The following ASIC2 variants were observed in gnomAD, a reference collection of about 807,000 sequenced individuals.
The protein encoded by ASIC2 is acid-sensing ion channel 2.
A neutral mutation model predicts 57.3 loss-of-function variants in ASIC2; 25 were observed. That is an observed-to-expected ratio of 0.44 (90% CI 0.32 to 0.61). ASIC2 has a LOEUF of 0.61. ASIC2 is among the 20% of genes least tolerant of loss of function. The probability of loss-of-function intolerance (pLI) is 0.06; values close to 1 mark genes in which losing one functional copy is unlikely to be tolerated. For synonymous variants in ASIC2, 319 were observed against 307.5 expected (o/e 1.04, Z -0.39); for missense variants, 641 against 738.1 (o/e 0.87, Z 1.52).
At chr17:33,951,319 T>C (rs1904555057) in intron 1 of ASIC2, among the ~76,000 whole-genome samples, 1 of 152,158 alleles carries the variant, frequency 6.6e-6, no homozygotes. Flanking sequence ...TGAGGATAAA[T>C]ATCTTGCTTA....
chr17:33,712,205 G>A, intron 1 of ASIC2, among the ~76,000 whole-genome samples: 1 of 152,272 alleles, frequency 6.6e-6, no homozygotes, highest in East Asian at 1.9e-4. Context: ...TACAGTCTCA[G>A]TTTGGAGCAG....
intron 1 of ASIC2, among the ~76,000 whole-genome samples, chr17:33,523,416 C>G (rs1914799680): frequency 1.3e-5 from 2 of 152,122 alleles, no homozygotes; most frequent in African/African-American, 2.4e-5. Context: ...ACCACCACAT[C>G]CAGCTAATTG....
intron 1 of ASIC2, among the ~76,000 whole-genome samples, chr17:34,027,929 G>A (rs1317554991): frequency 6.6e-6 from 1 of 152,210 alleles, no homozygotes; most frequent in East Asian, 1.9e-4. Context: ...CTTTACCTAT[G>A]AAGTGGGAAT....
intron 1 of ASIC2, among the ~76,000 whole-genome samples, chr17:33,641,353 C>T (rs116259904): frequency 0.022 from 3,312 of 152,276 alleles, 102 homozygotes; most frequent in African/African-American, 0.074. Flanking sequence ...ACACAGCACA[C>T]GCTCAGCATA....
rs975780044 is a variant in ASIC2, at chr17:33,246,992, G to C, written c.708+44416C>G. ...AAAATTGGATTTGAAAAAAGATGTA[G>C]TTAGCTCCAAAATACAAAAAGAAAA... On this transcript the variant is annotated intron_variant, in intron 1 of 9. Transcript: ENST00000225823. Among the ~76,000 whole-genome samples, 3 of 152,164 alleles carry C rather than the reference G, an allele frequency of 2.0e-5. No individual in the cohort carries two copies. In the South Asian group the frequency reaches 6.2e-4, roughly 31 times the overall value.
intron 1 of ASIC2, among the ~76,000 whole-genome samples, chr17:33,398,586 G>GTGA (rs746982950): frequency 2.6e-5 from 4 of 151,894 alleles, no homozygotes; most frequent in East Asian, 1.9e-4. Flanking sequence ...GATGGTGGTG[G>GTGA]TGATGATGAT....
At chr17:33,025,115 C>G (rs1166675784) in intron 5 of ASIC2, among the ~76,000 whole-genome samples, 2 of 152,172 alleles carry the variant, frequency 1.3e-5, no homozygotes, top group Non-Finnish European at 2.9e-5. Flanking sequence ...CTGGAGGTAT[C>G]TGGACCTGAG....
intron 1 of ASIC2, among the ~76,000 whole-genome samples, chr17:33,995,182 C>T (rs1906118646): frequency 6.6e-6 from 1 of 152,174 alleles, no homozygotes; most frequent in Admixed American, 6.5e-5. Context: ...TGAAGCATGG[C>T]AGGGAGATTT....
At chr17:34,099,776 AAGAAAGAAAGAAAGAAAGAAAG>A (rs1910783454) in intron 1 of ASIC2, among the ~76,000 whole-genome samples, 1 of 75,492 alleles carries the variant, frequency 1.3e-5, no homozygotes, top group Non-Finnish European at 3.0e-5. Context: ...GAAAGAAAGA[AAGAAAGAAAGAAAGAAAGAAAG>A]AAAGAAAAGA....
chr17:33,037,337 G>T (rs887188373), intron 3 of ASIC2, among the ~76,000 whole-genome samples: 1 of 151,372 alleles, frequency 6.6e-6, no homozygotes, highest in African/African-American at 2.4e-5. Flanking sequence ...AATGTAGCTG[G>T]TGAAGCTCTG....
At chr17:33,481,796 T>C (rs915874418) in intron 1 of ASIC2, among the ~76,000 whole-genome samples, 1 of 152,204 alleles carries the variant, frequency 6.6e-6, no homozygotes, top group African/African-American at 2.4e-5. Context: ...CCTATCCACA[T>C]GGCCTTGAAC....
At chr17:34,105,712 C>T (rs1054762130) in intron 1 of ASIC2, among the ~76,000 whole-genome samples, 3 of 151,570 alleles carry the variant, frequency 2.0e-5, no homozygotes, top group East Asian at 1.9e-4. Context: ...ACAGATTCAC[C>T]TCTGTTAATA....
chr17:33,181,428 AC>A (rs1597618912), intron 1 of ASIC2, among the ~76,000 whole-genome samples: 1 of 152,296 alleles, frequency 6.6e-6, no homozygotes. Flanking sequence ...GCTTAGAACA[AC>A]AGAAGTTTAT....
At chr17:33,661,861 T>C (rs529293557) in intron 1 of ASIC2, among the ~76,000 whole-genome samples, 23 of 152,192 alleles carry the variant, frequency 1.5e-4, no homozygotes, top group Non-Finnish European at 1.5e-5. Flanking sequence ...GCGGCAGAAA[T>C]AAAACCACCA....
At chr17:34,032,941 A>G (rs1907684825) in intron 1 of ASIC2, among the ~76,000 whole-genome samples, 2 of 152,334 alleles carry the variant, frequency 1.3e-5, no homozygotes, top group African/African-American at 4.8e-5. Flanking sequence ...CACTGTCAAC[A>G]TTAGACAGAT....
chr17:33,814,359 G>A (rs1889912), intron 1 of ASIC2, among the ~76,000 whole-genome samples: 49,944 of 152,078 alleles, frequency 0.33, 9,962 homozygotes, highest in African/African-American at 0.57. Context: ...GTGTGCGTGT[G>A]TATGTGTCTG....
intron 1 of ASIC2, among the ~76,000 whole-genome samples, chr17:33,129,617 G>A (rs1399158025): frequency 6.6e-6 from 1 of 152,138 alleles, no homozygotes; most frequent in Non-Finnish European, 1.5e-5. Context: ...CTTTGTGTAG[G>A]GTAAACATAC....
chr17:33,259,832 A>G (rs1909215188), intron 1 of ASIC2, among the ~76,000 whole-genome samples: 1 of 151,982 alleles, frequency 6.6e-6, no homozygotes, highest in Admixed American at 6.6e-5. Flanking sequence ...CTGGGCTCTA[A>G]CCCGAGAATG....
intron 1 of ASIC2, among the ~76,000 whole-genome samples, chr17:33,703,890 C>T (rs1908784173): frequency 6.6e-6 from 1 of 152,178 alleles, no homozygotes; most frequent in South Asian, 2.1e-4. Context: ...CTTTAGCCCT[C>T]AACTCCATCT....
Sources: allele counts gnomAD v4.1 joint callset (sites outside exome capture counted in the v4.1 genomes callset), GRCh38; gene constraint gnomAD v4.1.1; transcripts MANE v1.5; gene names NCBI Gene and HGNC (gene_info 2026-07-23, HGNC 2026-07-21).